The following CRY1 variants were observed in gnomAD, a reference collection of about 807,000 sequenced individuals.
CRY1 encodes cryptochrome circadian regulator 1.
A neutral mutation model predicts 76.0 loss-of-function variants in CRY1; 45 were observed. That is an observed-to-expected ratio of 0.59 (90% CI 0.47 to 0.76). CRY1 has a LOEUF of 0.76. CRY1 is among the 30% of genes least tolerant of loss of function. The probability of loss-of-function intolerance (pLI) is 0.00; values close to 1 mark genes in which losing one functional copy is unlikely to be tolerated. For synonymous variants in CRY1, 248 were observed against 244.0 expected, an observed-to-expected ratio of 1.02 and a Z score of -0.15; for missense variants, 587 against 716.4, an observed-to-expected ratio of 0.82 and a Z score of 2.06.
chr12:107,033,590 A>G lies in CRY1; in HGVS notation c.159-11398T>C, dbSNP rs1429713246. Among the ~76,000 whole-genome samples, 4 of 152,282 alleles carry G rather than the reference A, an allele frequency of 2.6e-5. No homozygotes were observed. The South Asian group carries it at 6.2e-4, about 24-fold the overall frequency. ...AAAGTTAAATCATTTAATATTTACA[A>G]ATTGGTTACTGTAATTCACCTCATT... is the stretch of plus-strand genomic sequence containing the variant. On this transcript the variant is annotated intron_variant, in intron 1 of 12. Transcript: ENST00000008527.
At chr12:107,018,731 A>C (rs6539299) in intron 2 of CRY1, among the ~76,000 whole-genome samples, 6,213 of 152,278 alleles carry the variant, frequency 0.041, 219 homozygotes, top group African/African-American at 0.1. Context: ...CAGGGCCTAG[A>C]AAGAGCCATC....
Position 107,093,023 on chromosome 12 carries a change from C to G in CRY1, c.-62G>C. Reference sequence around the variant, plus strand: ...AAGGAAGGAGGCTCCGGCTCATAGCCGACACCTTCGCTTCCAAGAGAATTG... The same window carrying G: ...AAGGAAGGAGGCTCCGGCTCATAGCGGACACCTTCGCTTCCAAGAGAATTG... On this transcript the variant is annotated 5_prime_UTR_variant, in exon 1 of 13. Transcript: ENST00000008527. 6.9e-7 allele frequency: 1 copy of G among 1,443,352 alleles called. No individual in the cohort carries two copies. The highest frequency in any genetic ancestry group is 9.1e-7 in the Non-Finnish European group (1 of 1,101,634). The allele number at this position is 1,443,352 out of a possible 1,614,324, so 89.4% of individuals were successfully genotyped here. A position where few individuals can be genotyped will look rare whatever the true frequency, so the allele number is the denominator to read the frequency against.
chr12:107,008,893 T>C (rs1362281878), intron 2 of CRY1, among the ~76,000 whole-genome samples: 1 of 152,200 alleles, frequency 6.6e-6, no homozygotes, highest in Non-Finnish European at 1.5e-5. Context: ...CCATGTAACA[T>C]GTGCCTTTGC....
chr12:107,006,870 T>C (rs1271347796), intron 2 of CRY1, among the ~76,000 whole-genome samples: 1 of 152,138 alleles, frequency 6.6e-6, no homozygotes, highest in Non-Finnish European at 1.5e-5. Context: ...CAGGCTGGTC[T>C]CAAATTCCTG....
At chr12:107,085,032 G>C (rs891644636) in intron 1 of CRY1, among the ~76,000 whole-genome samples, 2 of 147,466 alleles carry the variant, frequency 1.4e-5, no homozygotes, top group Non-Finnish European at 1.5e-5. Flanking sequence ...CTTCTCAAAA[G>C]ACATTTATGT....
At chr12:107,045,382 G>A (rs181015278) in intron 1 of CRY1, among the ~76,000 whole-genome samples, 56 of 152,270 alleles carry the variant, frequency 3.7e-4, no homozygotes, top group African/African-American at 1.1e-3. Context: ...AAGGGCAGCC[G>A]GGTGCAGTGG....
chr12:107,066,065 G>A lies in CRY1; in HGVS notation c.158+26739C>T, dbSNP rs879249203. Among the ~76,000 whole-genome samples, 8 of 152,234 alleles carry A rather than the reference G, an allele frequency of 5.3e-5. 1 individual carries two copies. The highest frequency in any genetic ancestry group is 3.3e-4 in the Admixed American group (5 of 15,290). ...TAAGGCTCATTCTGACTACACAGTCGTACAACCTAGTTTTTACTAGGAATA... is the reference window on the plus strand; with the variant it reads ...TAAGGCTCATTCTGACTACACAGTCATACAACCTAGTTTTTACTAGGAATA... On this transcript the variant is annotated intron_variant, in intron 1 of 12. Transcript: ENST00000008527.
At position 106,999,892 on chromosome 12, in the gene CRY1, A is replaced by G. The variant is rs111690319; in HGVS notation, c.826-30T>C. On this transcript the variant is annotated intron_variant, in intron 6 of 12. Coordinates refer to ENST00000008527, the MANE Select transcript of CRY1 (RefSeq NM_004075.5). ...GGTTAAAAAGCAAAGAAGTATTATC[A>G]GAATTTTTTTTTAAAGTATTAAACA... is the stretch of plus-strand genomic sequence containing the variant. 7 of 1,590,222 alleles carry G rather than the reference A, an allele frequency of 4.4e-6. No homozygotes were observed. The African/African-American group carries it at 5.5e-5, about 12-fold the overall frequency.
At chr12:107,080,453 G>C (rs1375900268) in intron 1 of CRY1, among the ~76,000 whole-genome samples, 3 of 152,034 alleles carry the variant, frequency 2.0e-5, no homozygotes, top group Admixed American at 2.0e-4. Context: ...GACTTTATGA[G>C]AGGAGATAAG....
intron 1 of CRY1, among the ~76,000 whole-genome samples, chr12:107,080,342 T>C (rs1953306749): frequency 6.6e-6 from 1 of 152,056 alleles, no homozygotes; most frequent in Admixed American, 6.6e-5. Context: ...TGGGTATATA[T>C]GATACATACA....
chr12:107,085,234 C>A (rs1252620758), intron 1 of CRY1, among the ~76,000 whole-genome samples: 1 of 152,128 alleles, frequency 6.6e-6, no homozygotes, highest in Non-Finnish European at 1.5e-5. Flanking sequence ...ATTAGGTCAA[C>A]CATTATGGAA....
At chr12:107,058,006 T>A (rs1469258645) in intron 1 of CRY1, among the ~76,000 whole-genome samples, 4 of 151,834 alleles carry the variant, frequency 2.6e-5, no homozygotes, top group Admixed American at 2.6e-4. Flanking sequence ...TAGTAAGCCA[T>A]GATCACACCA....
rs200569355 is a variant in CRY1 at position 107,058,111 on chromosome 12, TA to T, written c.158+34692del. On this transcript the variant is annotated intron_variant, in intron 1 of 12. Coordinates refer to ENST00000008527, the MANE Select transcript of CRY1 (RefSeq NM_004075.5). ...TGTCAGGAATATTCAAACTGAAGTTTAAAAAAAAGTTAAAGATGAGAATATA... is the reference window on the plus strand; with the variant it reads ...TGTCAGGAATATTCAAACTGAAGTTTAAAAAAAGTTAAAGATGAGAATATA... Among the ~76,000 whole-genome samples the T allele has an allele frequency of 6.9e-3, 1,044 of 152,000 alleles. 18 individuals carry two copies. Among genetic ancestry groups the T allele is most frequent in the African/African-American group, 0.024 (1,001 of 41,462 alleles).
In CRY1 at chr12:107,013,210, C is replaced by CA. The variant is rs1952463932; in HGVS notation, c.268-7963dup. On this transcript the variant is annotated intron_variant, in intron 2 of 12. Transcript: ENST00000008527. ...TGAAAGGAAGAGTCAATTGATGTGG[C>CA]AAACTTCATTACTGTCTTAAGAAAT... Among the ~76,000 whole-genome samples, 3 of 152,120 alleles carry CA rather than the reference C, an allele frequency of 2.0e-5. No individual in the cohort carries two copies. The South Asian group carries it at 6.2e-4, about 32-fold the overall frequency.
intron 1 of CRY1, among the ~76,000 whole-genome samples, chr12:107,060,702 A>C (rs1348017007): frequency 6.6e-6 from 1 of 152,162 alleles, no homozygotes; most frequent in African/African-American, 2.4e-5. Context: ...TTTTTTAAAA[A>C]AATTTGGGCC....
chr12:107,001,815 G>A lies in CRY1; in HGVS notation c.544C>T (p.Leu182=), dbSNP rs1211220637. 16 of 1,589,542 alleles carry A rather than the reference G, an allele frequency of 1.0e-5. No individual in the cohort carries two copies. The highest frequency in any genetic ancestry group is 1.4e-5 in the Non-Finnish European group (16 of 1,174,168). The change falls in exon 4 of 13, where the codon CTG becomes TTG. Residue 182 remains leucine, a synonymous_variant. Coordinates refer to ENST00000008527, the MANE Select transcript of CRY1 (RefSeq NM_004075.5). ...SEVIEKCTTP[L]SDDHDEKYGV... is the part of the protein sequence containing the mutation. ...TATTTCTCATCATGGTCATCAGACA[G>A]AGGAGTTGTGCACTTTTCTATCACT...
intron 1 of CRY1, among the ~76,000 whole-genome samples, chr12:107,077,157 A>G (rs974835941): frequency 2.6e-5 from 4 of 151,356 alleles, no homozygotes; most frequent in Non-Finnish European, 4.4e-5. Context: ...CAACACATAC[A>G]CACAAACACA....
At chr12:107,004,498 A>C (rs772302351) in intron 3 of CRY1, among the ~76,000 whole-genome samples, 8 of 152,230 alleles carry the variant, frequency 5.3e-5, no homozygotes, top group Admixed American at 3.9e-4. Flanking sequence ...GACTCATAGC[A>C]TATAACACTC....
At chr12:107,086,359 C>G (rs1379401437) in intron 1 of CRY1, among the ~76,000 whole-genome samples, 2 of 151,990 alleles carry the variant, frequency 1.3e-5, no homozygotes, top group Admixed American at 6.6e-5. Context: ...CCCCAGGTAC[C>G]AGGCCCTGAC....
Sources: allele counts gnomAD v4.1 joint callset (sites outside exome capture counted in the v4.1 genomes callset), GRCh38; gene constraint gnomAD v4.1.1; transcripts MANE v1.5; gene names NCBI Gene and HGNC (gene_info 2026-07-23, HGNC 2026-07-21).